Variants in NTM observed in about 807,000 individuals in gnomAD.
NTM encodes neurotrimin, also known as IgLON family member 2.
In NTM, 13 loss-of-function variants were observed where a neutral mutation model predicts 42.1. The observed-to-expected ratio is 0.31, with a 90% confidence interval of 0.20 to 0.49. The LOEUF is 0.49. NTM is among the 20% of genes least tolerant of loss of function. NTM has a pLI of 0.99. For synonymous variants in NTM, 187 were observed against 179.2 expected (o/e 1.04, Z -0.35); for missense variants, 373 against 452.8 (o/e 0.82, Z 1.60).
chr11:131,558,602 T>G (rs921967191), intron 1 of NTM, among the ~76,000 whole-genome samples: 2 of 152,162 alleles, frequency 1.3e-5, no homozygotes, highest in Non-Finnish European at 2.9e-5. Context: ...TCCAAGGTGA[T>G]CCCCTGAGAA....
intron 1 of NTM, among the ~76,000 whole-genome samples, chr11:131,834,803 GC>G (rs1565610472): frequency 1.3e-5 from 2 of 151,782 alleles, no homozygotes; most frequent in Non-Finnish European, 2.9e-5. Context: ...TTGATCTGTA[GC>G]CCATAATTTA....
At chr11:131,744,535 G>A (rs2081564308) in intron 1 of NTM, among the ~76,000 whole-genome samples, 1 of 152,122 alleles carries the variant, frequency 6.6e-6, no homozygotes, top group Non-Finnish European at 1.5e-5. Flanking sequence ...TTTTCAAGCA[G>A]TCTGCGGAAA....
At chr11:131,400,606 T>C (rs751676927) in intron 1 of NTM, among the ~76,000 whole-genome samples, 1 of 152,200 alleles carries the variant, frequency 6.6e-6, no homozygotes, top group Non-Finnish European at 1.5e-5. Flanking sequence ...AATGTGTTGA[T>C]GGGCATTGTC....
At chr11:131,579,430 C>T (rs1474588376) in intron 1 of NTM, among the ~76,000 whole-genome samples, 1 of 152,188 alleles carries the variant, frequency 6.6e-6, no homozygotes, top group Non-Finnish European at 1.5e-5. Flanking sequence ...ACCAGTCAGG[C>T]AGTCCCCTAG....
At chr11:131,959,678 C>A (rs564605976) in intron 2 of NTM, among the ~76,000 whole-genome samples, 4 of 152,216 alleles carry the variant, frequency 2.6e-5, no homozygotes, top group Non-Finnish European at 4.4e-5. Context: ...CATGAGTAAA[C>A]CACCTCATCA....
Position 131,822,632 on chromosome 11 carries a change from T to C in NTM, c.83-88932T>C, listed in dbSNP as rs549470152. On this transcript the variant is annotated intron_variant, in intron 1 of 8. Transcript: ENST00000683400. ...TAAGGGGAAGGAAGGTAGAAAACTCTCCAACAAGTCGTTTTTCATGGTGTC... is the reference window on the plus strand; with the variant it reads ...TAAGGGGAAGGAAGGTAGAAAACTCCCCAACAAGTCGTTTTTCATGGTGTC... 1.6e-3 allele frequency among the ~76,000 whole-genome samples: 242 copies of C among 152,310 alleles called. 2 individuals are homozygous for C. Among genetic ancestry groups the C allele is most frequent in the African/African-American group, 5.5e-3 (230 of 41,550 alleles).
At chr11:131,398,283 A>G (rs1380197176) in intron 1 of NTM, among the ~76,000 whole-genome samples, 1 of 152,204 alleles carries the variant, frequency 6.6e-6, no homozygotes, top group Non-Finnish European at 1.5e-5. Context: ...TCAGTTGATT[A>G]TTATTGATGT....
chr11:132,278,013 A>G (rs553415218), intron 4 of NTM, among the ~76,000 whole-genome samples: 1 of 152,338 alleles, frequency 6.6e-6, no homozygotes, highest in South Asian at 2.1e-4. Context: ...ACAGTCTTTG[A>G]AAGTCTGCTT....
Position 132,068,512 on chromosome 11 carries a change from G to A in NTM, c.168-77770G>A, listed in dbSNP as rs145781052. 4.6e-3 allele frequency among the ~76,000 whole-genome samples: 702 copies of A among 152,212 alleles called. 5 individuals carry two copies. Among genetic ancestry groups the A allele is most frequent in the African/African-American group, 0.016 (649 of 41,532 alleles). ...TCACCAGAAGGGCTTCTATGGATTC[G>A]CTGGTAAAGACAATCTGGGCTTTTT... On this transcript the variant is annotated intron_variant, in intron 2 of 8. Coordinates refer to ENST00000683400, the MANE Select transcript of NTM (RefSeq NM_001352005.2).
chr11:132,075,085 C>A (rs1461669120), intron 2 of NTM, among the ~76,000 whole-genome samples: 1 of 152,102 alleles, frequency 6.6e-6, no homozygotes, highest in Admixed American at 6.5e-5. Context: ...ATAAACCAGT[C>A]AGAAAGGACA....
intron 2 of NTM, among the ~76,000 whole-genome samples, chr11:132,064,556 G>T (rs895759576): frequency 1.1e-4 from 17 of 152,164 alleles, no homozygotes; most frequent in African/African-American, 3.6e-4. Flanking sequence ...TAATAGTGAG[G>T]CCTCCTACAA....
chr11:131,730,721 A>AAAGAAG (rs1555103924), intron 1 of NTM, among the ~76,000 whole-genome samples: 4,222 of 134,366 alleles, frequency 0.031, 265 homozygotes, highest in African/African-American at 0.1. Flanking sequence ...CTATCTGTTA[A>AAAGAAG]AAGAAGAAGA....
intron 1 of NTM, among the ~76,000 whole-genome samples, chr11:131,618,557 C>A (rs1360027576): frequency 6.6e-6 from 1 of 152,104 alleles, no homozygotes; most frequent in Non-Finnish European, 1.5e-5. Context: ...GTGGGAGCAG[C>A]GTTTTAAGTT....
intron 1 of NTM, among the ~76,000 whole-genome samples, chr11:131,490,710 A>C (rs112578587): frequency 0.01 from 1,598 of 152,358 alleles, 17 homozygotes; most frequent in African/African-American, 0.035. Context: ...TTTGTAAACT[A>C]CTAAAGTGAG....
At chr11:131,543,146 C>G (rs103611) in intron 1 of NTM, among the ~76,000 whole-genome samples, 99,087 of 152,068 alleles carry the variant, frequency 0.65, 36,030 homozygotes, top group Non-Finnish European at 0.81. Flanking sequence ...CCAGTTGAAA[C>G]GCTGCCATTT....
chr11:131,685,338 T>C (rs1337196573), intron 1 of NTM, among the ~76,000 whole-genome samples: 1 of 151,996 alleles, frequency 6.6e-6, no homozygotes, highest in Non-Finnish European at 1.5e-5. Flanking sequence ...CGGGCATCCA[T>C]GGGAAGCAGC....
chr11:132,170,315 C>A (rs1026530023), intron 3 of NTM, among the ~76,000 whole-genome samples: 1 of 152,182 alleles, frequency 6.6e-6, no homozygotes, highest in South Asian at 2.1e-4. Flanking sequence ...ATTTCCAAAG[C>A]CTGAATTCCC....
At chr11:132,151,220 G>T (rs1591839607) in intron 3 of NTM, among the ~76,000 whole-genome samples, 1 of 152,176 alleles carries the variant, frequency 6.6e-6, no homozygotes, top group Non-Finnish European at 1.5e-5. Context: ...TTTGGACAAG[G>T]TTACATCTTG....
intron 1 of NTM, chr11:131,661,287 T>C (rs1418729391): frequency 3.6e-6 from 1 of 280,006 alleles, no homozygotes; most frequent in East Asian, 7.9e-5. Flanking sequence ...TTTTGCACGC[T>C]AATGCTATGT....
Sources: gnomAD v4.1 joint callset for allele counts (sites outside exome capture counted in the v4.1 genomes callset) on GRCh38, gnomAD v4.1.1 for gene constraint, MANE v1.5 for transcripts, NCBI Gene and HGNC (gene_info 2026-07-23, HGNC 2026-07-21) for gene names.